Variants in DNAJC13 observed in about 807,000 individuals in gnomAD.
DNAJC13 encodes the protein dnaJ homolog subfamily C member 13.
DNAJC13 carries 75 observed loss-of-function variants against 290.5 expected under a neutral mutation model. The ratio of observed to expected loss-of-function variants is 0.26; its 90% CI spans 0.21 to 0.31. The LOEUF (loss-of-function observed/expected upper bound fraction) is 0.31. DNAJC13 is among the 10% of genes least tolerant of loss of function. The pLI is 1.00. For synonymous variants in DNAJC13, 862 were observed against 892.0 expected (o/e 0.97, Z 0.60); for missense variants, 2,260 against 2,674.5 (o/e 0.85, Z 3.42).
At chr3:132,462,445 C>T in intron 15 of DNAJC13, 22 bp from the exon 16 acceptor site, 2 of 1,601,770 alleles carry the variant, frequency 1.2e-6, no homozygotes, top group East Asian at 2.3e-5. Context: ...TTTTTTGATA[C>T]TTTTTCCCCC....
chr3:132,523,980 A>G, intron 51 of DNAJC13: 1 of 326,382 alleles, frequency 3.1e-6, no homozygotes, highest in South Asian at 7.3e-5. Context: ...GCCTGAAAAG[A>G]AGGTTTTTAC....
chr3:132,509,008 C>T (rs545012312), intron 43 of DNAJC13, among the ~76,000 whole-genome samples: 4 of 152,208 alleles, frequency 2.6e-5, no homozygotes, highest in African/African-American at 9.6e-5. Flanking sequence ...CCTGCTAATA[C>T]AGCATCCATT....
intron 28 of DNAJC13, 67 bp from the exon 29 acceptor site, chr3:132,484,521 T>C (rs565733216): frequency 1.5e-5 from 21 of 1,439,968 alleles, no homozygotes; most frequent in Non-Finnish European, 2.0e-5. Context: ...TAGTAGAATG[T>C]CGTATGCTCT....
intron 1 of DNAJC13, among the ~76,000 whole-genome samples, chr3:132,427,334 G>C (rs1939126127): frequency 1.3e-5 from 2 of 151,764 alleles, no homozygotes; most frequent in Admixed American, 1.3e-4. Context: ...ACAGGGTTTT[G>C]CCATGTTGCC....
intron 13 of DNAJC13, among the ~76,000 whole-genome samples, chr3:132,459,449 T>C (rs542148605): frequency 3.1e-4 from 47 of 152,278 alleles, no homozygotes; most frequent in African/African-American, 1.1e-3. Flanking sequence ...TATTGTTTAA[T>C]GATTACAGAG....
chr3:132,525,824 C>T, intron 52 of DNAJC13, 35 bp downstream of exon 52: 1 of 1,592,648 alleles, frequency 6.3e-7, no homozygotes, highest in African/African-American at 1.3e-5. Context: ...TTATAAGCTC[C>T]AGAATTTATC....
chr3:132,529,802 A>G (rs1009689782), intron 54 of DNAJC13, among the ~76,000 whole-genome samples: 3 of 151,826 alleles, frequency 2.0e-5, no homozygotes, highest in Non-Finnish European at 2.9e-5. Context: ...AAAAAAAAAA[A>G]AGAGATATTA....
intron 43 of DNAJC13, among the ~76,000 whole-genome samples, chr3:132,508,820 A>G (rs1158679968): frequency 1.3e-5 from 2 of 152,258 alleles, no homozygotes; most frequent in African/African-American, 2.4e-5. Context: ...AAATGGAAGA[A>G]CAAAGCCTAT....
rs747365309 is a variant in DNAJC13, at chr3:132,525,630, G to C, written c.6081G>C (p.Leu2027Phe). ...TGCAGGGAGAAACTCTGGAAACCTT[G>C]ACAATGGCAACAGTGTGTCTCTTCA... ...NNPHGETLET[L>F]TMATVCLFSA... is the part of the protein sequence containing the mutation. Residue 2027 changes from leucine to phenylalanine, a missense_variant, in exon 52 of 56, where the codon TTG becomes TTC. Transcript: ENST00000260818. 4.3e-6 allele frequency: 7 copies of C among 1,613,722 alleles called. No homozygotes were observed. The highest frequency in any genetic ancestry group is 5.9e-6 in the Non-Finnish European group (7 of 1,179,924).
intron 42 of DNAJC13, among the ~76,000 whole-genome samples, chr3:132,506,750 C>G (rs1178907659): frequency 1.3e-5 from 2 of 151,756 alleles, no homozygotes; most frequent in African/African-American, 2.4e-5. Context: ...CAGGGTTTCA[C>G]CATGTTGGCC....
intron 55 of DNAJC13, among the ~76,000 whole-genome samples, chr3:132,533,907 C>T (rs1285521248): frequency 6.6e-6 from 1 of 152,184 alleles, no homozygotes; most frequent in Non-Finnish European, 1.5e-5. Context: ...TCACCCCCAT[C>T]CACATGCTTT....
chr3:132,463,352 C>T (rs1933869690), intron 16 of DNAJC13, among the ~76,000 whole-genome samples: 1 of 152,202 alleles, frequency 6.6e-6, no homozygotes, highest in South Asian at 2.1e-4. Context: ...TCAATGTTAG[C>T]TTCCAAAGTG....
intron 43 of DNAJC13, among the ~76,000 whole-genome samples, chr3:132,508,563 T>G (rs1454739103): frequency 1.3e-5 from 2 of 152,136 alleles, no homozygotes; most frequent in African/African-American, 4.8e-5. Context: ...TTCTCACTTA[T>G]AGGTAGAGGC....
rs370385890 is a variant in DNAJC13, at chr3:132,499,142, A to G, written c.4173A>G (p.Lys1391=). The G allele has an allele frequency of 1.1e-5, 18 of 1,603,416 alleles. No homozygotes were observed. In the African/African-American group the frequency reaches 2.0e-4, roughly 18 times the overall value. Residue 1391 remains lysine, a synonymous_variant, in exon 37 of 56, where the codon AAA becomes AAG. Transcript: ENST00000260818. ...NRHKEDLQPY[K]YAGYPMLIRT... ...TTATTTCAGATTTACAGCCTTATAA[A>G]TATGCAGGATACCCCATGCTTATTC...
At chr3:132,458,370 T>C (rs929562011) in intron 13 of DNAJC13, 3 of 152,220 alleles carry the variant, frequency 2.0e-5, no homozygotes, top group Admixed American at 2.0e-4. Flanking sequence ...TAATTTTATT[T>C]ACTGTTCCAA....
At chr3:132,444,874 T>C (rs1933192647) in intron 2 of DNAJC13, among the ~76,000 whole-genome samples, 2 of 152,152 alleles carry the variant, frequency 1.3e-5, no homozygotes, top group Admixed American at 1.3e-4. Flanking sequence ...TAGAGGGAAG[T>C]GCTATAATTC....
chr3:132,521,688 A>G (rs1936095094), intron 48 of DNAJC13, among the ~76,000 whole-genome samples: 1 of 152,248 alleles, frequency 6.6e-6, no homozygotes, highest in South Asian at 2.1e-4. Flanking sequence ...ACCAAGAAGA[A>G]GGACATACTT....
At chr3:132,439,618 AT>A (rs1215352873) in intron 2 of DNAJC13, among the ~76,000 whole-genome samples, 1 of 152,068 alleles carries the variant, frequency 6.6e-6, no homozygotes, top group Non-Finnish European at 1.5e-5. Context: ...TCGGAATCTT[AT>A]GTTTTTCACA....
chr3:132,537,114 C>T (rs1432168008), intron 55 of DNAJC13: 3 of 456,174 alleles, frequency 6.6e-6, no homozygotes, highest in Non-Finnish European at 1.3e-5. Context: ...GTTTGCACTT[C>T]CTCACAACTT....
Sources: gnomAD v4.1 joint callset for allele counts (sites outside exome capture counted in the v4.1 genomes callset) on GRCh38, gnomAD v4.1.1 for gene constraint, MANE v1.5 for transcripts, NCBI Gene and HGNC (gene_info 2026-07-23, HGNC 2026-07-21) for gene names.